Variants in EPB41L3 observed in about 807,000 individuals in gnomAD.
The protein encoded by EPB41L3 is erythrocyte membrane protein band 4.1 like 3, also known as band 4.1-like protein 3.
EPB41L3 carries 57 observed loss-of-function variants against 127.1 expected under a neutral mutation model. The observed-to-expected ratio is 0.45, with a 90% CI of 0.36 to 0.56. The LOEUF (loss-of-function observed/expected upper bound fraction) is 0.56, where lower values mean the gene tolerates loss of function less well. Ranked by LOEUF, EPB41L3 falls within the 20% of genes least tolerant of loss-of-function variation. The pLI, the probability that EPB41L3 is intolerant of heterozygous loss-of-function variation, is 0.00. For missense variants in EPB41L3, 1,273 were observed against 1,372.2 expected, an observed-to-expected ratio of 0.93 and a Z score of 1.14; for synonymous variants, 572 against 549.5, an observed-to-expected ratio of 1.04 and a Z score of -0.57.
intron 3 of EPB41L3, among the ~76,000 whole-genome samples, chr18:5,597,430 A>C (rs1057107843): frequency 2.0e-5 from 3 of 152,150 alleles, no homozygotes; most frequent in Non-Finnish European, 4.4e-5. Flanking sequence ...TCATCCGAAA[A>C]TTCTGAGGTT....
chr18:5,422,731 C>T (rs2077634000), intron 11 of EPB41L3, among the ~76,000 whole-genome samples: 1 of 152,186 alleles, frequency 6.6e-6, no homozygotes, highest in Non-Finnish European at 1.5e-5. Flanking sequence ...TAAAAATTCA[C>T]TGTTGTGTTA....
intron 8 of EPB41L3, among the ~76,000 whole-genome samples, chr18:5,431,536 A>C (rs1287957538): frequency 6.6e-6 from 1 of 152,220 alleles, no homozygotes. Flanking sequence ...GCAGCCATCT[A>C]TTTTAATTCT....
chr18:5,399,316 C>A (rs2074111609), intron 16 of EPB41L3: 1 of 398,962 alleles, frequency 2.5e-6, no homozygotes, highest in Admixed American at 4.4e-5. Context: ...TTGTAAGTCA[C>A]AATCTTTTTC....
chr18:5,594,339 T>C (rs2094516613), intron 3 of EPB41L3, among the ~76,000 whole-genome samples: 1 of 152,162 alleles, frequency 6.6e-6, no homozygotes, highest in South Asian at 2.1e-4. Context: ...TACCCACCAT[T>C]GGTACATTAC....
At chr18:5,608,731 G>T (rs573237866) in intron 3 of EPB41L3, among the ~76,000 whole-genome samples, 1 of 152,224 alleles carries the variant, frequency 6.6e-6, no homozygotes, top group South Asian at 2.1e-4. Context: ...TTTCCTAAGA[G>T]GAGAGGGGAG....
intron 3 of EPB41L3, among the ~76,000 whole-genome samples, chr18:5,574,670 T>C (rs1476326348): frequency 6.6e-6 from 1 of 152,152 alleles, no homozygotes; most frequent in Non-Finnish European, 1.5e-5. Context: ...CTGCTCCCTG[T>C]AAAAGTCCTG....
At chr18:5,616,655 C>T (rs1252609826) in intron 1 of EPB41L3, among the ~76,000 whole-genome samples, 1 of 152,124 alleles carries the variant, frequency 6.6e-6, no homozygotes, top group East Asian at 1.9e-4. Flanking sequence ...ATGTGGTTGC[C>T]TCTACTCTGC....
chr18:5,534,123 A>G (rs2093498576), intron 1 of EPB41L3, among the ~76,000 whole-genome samples: 1 of 152,224 alleles, frequency 6.6e-6, no homozygotes, highest in African/African-American at 2.4e-5. Flanking sequence ...AGATCTCGCC[A>G]CTGCACTCCA....
chr18:5,395,430 C>T (rs188833555), intron 20 of EPB41L3, among the ~76,000 whole-genome samples, 179 bp downstream of exon 20: 21 of 152,300 alleles, frequency 1.4e-4, no homozygotes, highest in African/African-American at 4.1e-4. Flanking sequence ...GGAACTCGCA[C>T]GTGAGGACAA....
At chr18:5,550,401 G>T (rs1160092008) in intron 3 of EPB41L3, among the ~76,000 whole-genome samples, 2 of 152,104 alleles carry the variant, frequency 1.3e-5, no homozygotes, top group African/African-American at 4.8e-5. Flanking sequence ...TTAGTGTGTT[G>T]TTAATTTTAG....
chr18:5,492,766 C>T (rs949792907), intron 1 of EPB41L3, among the ~76,000 whole-genome samples: 7 of 152,106 alleles, frequency 4.6e-5, no homozygotes, highest in African/African-American at 1.2e-4. Context: ...GTTTGGATTC[C>T]TGGAAACTCC....
At chr18:5,410,397 A>C (rs551580421) in intron 14 of EPB41L3, among the ~76,000 whole-genome samples, 169 bp downstream of exon 14, 12 of 152,342 alleles carry the variant, frequency 7.9e-5, no homozygotes, top group African/African-American at 2.9e-4. Flanking sequence ...TGTAGGCCAG[A>C]GTTTAAGAAC....
chr18:5,524,172 T>C (rs1413701913), intron 1 of EPB41L3, among the ~76,000 whole-genome samples: 1 of 151,908 alleles, frequency 6.6e-6, no homozygotes, highest in East Asian at 1.9e-4. Context: ...TCTTTTCATT[T>C]TTTTTTTTGT....
chr18:5,511,377 G>A (rs1451434682), intron 1 of EPB41L3, among the ~76,000 whole-genome samples: 2 of 128,704 alleles, frequency 1.6e-5, no homozygotes, highest in Non-Finnish European at 3.2e-5. Context: ...TTTAATAGCT[G>A]TGGAGGTATT....
At chr18:5,523,077 T>C (rs538782983) in intron 1 of EPB41L3, among the ~76,000 whole-genome samples, 5 of 152,324 alleles carry the variant, frequency 3.3e-5, no homozygotes, top group East Asian at 3.9e-4. Flanking sequence ...AACAGGGATA[T>C]GCAAAATGAC....
chr18:5,402,071 C>T (rs1318383137), intron 16 of EPB41L3, among the ~76,000 whole-genome samples: 1 of 151,666 alleles, frequency 6.6e-6, no homozygotes, highest in Non-Finnish European at 1.5e-5. Context: ...TGTAGGGGAA[C>T]ATCTGGAATA....
At chr18:5,517,676 A>G (rs1204393396) in intron 1 of EPB41L3, among the ~76,000 whole-genome samples, 1 of 152,026 alleles carries the variant, frequency 6.6e-6, no homozygotes, top group Non-Finnish European at 1.5e-5. Context: ...GACCTCAAGC[A>G]ATCTTCCTCC....
intron 3 of EPB41L3, among the ~76,000 whole-genome samples, chr18:5,457,621 TGA>T (rs1165771318): frequency 6.6e-6 from 1 of 152,160 alleles, no homozygotes; most frequent in African/African-American, 2.4e-5. Flanking sequence ...GATTCAGTAG[TGA>T]GAGATGCTTC....
At chr18:5,564,850 T>C (rs542030969) in intron 3 of EPB41L3, among the ~76,000 whole-genome samples, 1 of 152,016 alleles carries the variant, frequency 6.6e-6, no homozygotes, top group Non-Finnish European at 1.5e-5. Context: ...ATTGAGTGGG[T>C]TGGGGGAGAT....
Sources: allele counts gnomAD v4.1 joint callset (sites outside exome capture counted in the v4.1 genomes callset), GRCh38; gene constraint gnomAD v4.1.1; transcripts MANE v1.5; gene names NCBI Gene and HGNC (gene_info 2026-07-23, HGNC 2026-07-21).